The following CLCN6 variants were observed in gnomAD, a reference collection of about 807,000 sequenced individuals.
CLCN6 encodes H(+)/Cl(-) exchange transporter 6.
CLCN6 carries 70 observed loss-of-function variants against 109.8 expected under a neutral mutation model. The ratio of observed to expected loss-of-function variants is 0.64; its 90% CI spans 0.53 to 0.78. The LOEUF (loss-of-function observed/expected upper bound fraction) is 0.78, where lower values mean the gene tolerates loss of function less well. CLCN6 is among the 30% of genes least tolerant of loss of function. The probability of loss-of-function intolerance (pLI) is 0.00; values close to 1 mark genes in which losing one functional copy is unlikely to be tolerated. For missense variants in CLCN6, 984 were observed against 1,142.3 expected (o/e 0.86, Z 2.00); for synonymous variants, 444 against 447.8 (o/e 0.99, Z 0.11).
At position 11,833,685 on chromosome 1, in the gene CLCN6, C is replaced by T. The variant is rs372963046; in HGVS notation, c.1372+47C>T. 2.5e-5 allele frequency: 41 copies of T among 1,609,478 alleles called. No individual in the cohort carries two copies. In the African/African-American group the frequency reaches 2.8e-4, roughly 11 times the overall value. On this transcript the variant is annotated intron_variant, in intron 14 of 22. Transcript: ENST00000346436. ...CAATCGTGGGTGATTGGTGTCATCTCGGACACAGCCAGGCTTGCCCTTCAT... is the reference window on the plus strand; with the variant it reads ...CAATCGTGGGTGATTGGTGTCATCTTGGACACAGCCAGGCTTGCCCTTCAT...
intron 3 of CLCN6, 41 bp from the exon 4 acceptor site, chr1:11,816,574 A>G (rs770061841): frequency 1.3e-6 from 2 of 1,586,076 alleles, no homozygotes; most frequent in Non-Finnish European, 1.7e-6. Flanking sequence ...CTCTGCCACC[A>G]TAACCCTGTA....
chr1:11,822,752 G>C lies in CLCN6; in HGVS notation c.404G>C (p.Gly135Ala). The C allele has an allele frequency of 4.3e-6, 7 of 1,614,092 alleles. No individual in the cohort carries two copies. The highest frequency in any genetic ancestry group is 5.9e-6 in the Non-Finnish European group (7 of 1,179,978). The change falls in exon 6 of 23, where the codon GGT becomes GCT. Residue 135 changes from glycine (G) to alanine (A), a missense_variant. By Grantham distance (60) the Gly-to-Ala change is moderately conservative. Transcript: ENST00000346436. ...CLALSLLELL[G>A]FNLTFVFLAS... ...GCTCTGTCTCTCCTTGAACTCCTGGGTTTTAACCTCACCTTTGTCTTCCTG... is the reference window on the plus strand; with the variant it reads ...GCTCTGTCTCTCCTTGAACTCCTGGCTTTTAACCTCACCTTTGTCTTCCTG...
chr1:11,811,055 AC>A (rs1467797274), intron 2 of CLCN6, among the ~76,000 whole-genome samples: 2 of 152,042 alleles, frequency 1.3e-5, no homozygotes, highest in Non-Finnish European at 2.9e-5. Context: ...AACAACAAAT[AC>A]GAAAAAATTA....
intron 8 of CLCN6, 143 bp from the exon 9 acceptor site, chr1:11,826,013 C>T: frequency 1.6e-6 from 1 of 614,234 alleles, no homozygotes. Context: ...AGGGGCCTCC[C>T]CTGATGCCGT....
intron 2 of CLCN6, among the ~76,000 whole-genome samples, chr1:11,812,926 C>T (rs900300680): frequency 6.6e-6 from 1 of 152,130 alleles, no homozygotes. Flanking sequence ...ACTCATCTTA[C>T]AGAGGAGACT....
intron 14 of CLCN6, 104 bp downstream of exon 14, chr1:11,833,742 C>A: frequency 4.5e-6 from 7 of 1,568,884 alleles, no homozygotes; most frequent in Non-Finnish European, 6.0e-6. Context: ...TTTGTAACGC[C>A]CACCCAGACA....
At chr1:11,821,080 ACAAC>A (rs1557783090) in intron 5 of CLCN6, among the ~76,000 whole-genome samples, 84 of 123,334 alleles carry the variant, frequency 6.8e-4, no homozygotes, top group Non-Finnish European at 9.6e-4. Context: ...GTCTCAAAAA[ACAAC>A]AACAAAAAAA....
chr1:11,812,273 A>G (rs183970501), intron 2 of CLCN6, among the ~76,000 whole-genome samples: 14 of 152,344 alleles, frequency 9.2e-5, no homozygotes, highest in African/African-American at 3.1e-4. Flanking sequence ...AAAGGATATC[A>G]TAAAGGATAC....
intron 13 of CLCN6, among the ~76,000 whole-genome samples, chr1:11,831,094 A>T (rs918982431): frequency 6.6e-6 from 1 of 151,814 alleles, no homozygotes; most frequent in East Asian, 1.9e-4. Context: ...CGGCCTCCCA[A>T]ATTGCTAGGA....
intron 5 of CLCN6, chr1:11,820,627 C>G (rs1049653298): frequency 5.5e-6 from 2 of 363,502 alleles, no homozygotes; most frequent in Non-Finnish European, 1.0e-5. Context: ...ATTAGCTGGG[C>G]GTGGCGGTGT....
chr1:11,838,125 C>T (rs143648177), intron 20 of CLCN6, among the ~76,000 whole-genome samples: 1 of 152,316 alleles, frequency 6.6e-6, no homozygotes, highest in East Asian at 1.9e-4. Flanking sequence ...GCAGACAGAT[C>T]AGGGGACTTG....
intron 13 of CLCN6, among the ~76,000 whole-genome samples, chr1:11,829,654 C>T (rs1644855625): frequency 6.9e-6 from 1 of 144,274 alleles, no homozygotes; most frequent in African/African-American, 2.7e-5. Flanking sequence ...AGAGGGGAAC[C>T]TGGGAACAAC....
intron 1 of CLCN6, 48 bp from the exon 2 acceptor site, chr1:11,807,083 C>A: frequency 1.3e-6 from 2 of 1,514,506 alleles, no homozygotes; most frequent in Non-Finnish European, 1.8e-6. Flanking sequence ...TGCCTCCTTC[C>A]ACTCCTAACC....
rs369309639 is a variant in CLCN6, at chr1:11,838,690, T to G, written c.2529+30T>G. Reference sequence around the variant, plus strand: ...GCGAGGCCCCGGCCCTGCCCCCACCTTTGAGAGAGGATCCCCTAGCCAGGT... The same window carrying G: ...GCGAGGCCCCGGCCCTGCCCCCACCGTTGAGAGAGGATCCCCTAGCCAGGT... On this transcript the variant is annotated intron_variant, in intron 22 of 22. Coordinates refer to ENST00000346436, the MANE Select transcript of CLCN6 (RefSeq NM_001286.5). 6.6e-5 allele frequency: 107 copies of G among 1,614,176 alleles called. No homozygotes were observed. The African/African-American group carries it at 1.2e-3, about 19-fold the overall frequency.
At chr1:11,840,073 G>A (rs558419056) in intron 22 of CLCN6, 70 bp from the exon 23 acceptor site, 53 of 1,265,998 alleles carry the variant, frequency 4.2e-5, no homozygotes, top group Non-Finnish European at 4.0e-5. Flanking sequence ...AACAGGGCCG[G>A]CTCCTGTCAC....
At chr1:11,811,624 C>A (rs573710494) in intron 2 of CLCN6, among the ~76,000 whole-genome samples, 1 of 152,146 alleles carries the variant, frequency 6.6e-6, no homozygotes. Flanking sequence ...TCGGGTGATC[C>A]GCCCGCCTTG....
chr1:11,834,375 C>T lies in CLCN6; in HGVS notation c.1666C>T (p.Pro556Ser), dbSNP rs1644919094. The change falls in exon 16 of 23, where the codon CCC becomes TCC. Residue 556 changes from proline (P) to serine (S), a missense_variant. Transcript: ENST00000346436. This position sits in a 1 kb window ranked among gnomAD's most constrained non-coding sequence, Gnocchi z 4.5. ...CACCAATGAGATCACCTACGGGCTC[C>T]CCATCATGGTCACACTGATGGTGAG... The part of the protein sequence containing the change: ...ESTNEITYGL[P>S]IMVTLMVAKW... 1 of 1,613,928 alleles carries T rather than the reference C, an allele frequency of 6.2e-7. No individual in the cohort carries two copies. Among genetic ancestry groups the T allele is most frequent in the African/African-American group, 1.3e-5 (1 of 74,894 alleles).
intron 10 of CLCN6, among the ~76,000 whole-genome samples, chr1:11,827,748 A>G (rs1644831720): frequency 6.6e-6 from 1 of 152,172 alleles, no homozygotes; most frequent in Non-Finnish European, 1.5e-5. Context: ...GAAAATGTGA[A>G]ACTGGCTGTT....
At chr1:11,833,269 A>G (rs774907303) in intron 13 of CLCN6, among the ~76,000 whole-genome samples, 5 of 152,194 alleles carry the variant, frequency 3.3e-5, no homozygotes, top group Non-Finnish European at 7.3e-5. Context: ...AATCACGGCC[A>G]TAGTGACATT....
Sources: gnomAD v4.1 joint callset for allele counts (sites outside exome capture counted in the v4.1 genomes callset) on GRCh38, gnomAD v4.1.1 for gene constraint, Gnocchi (gnomAD v3.1) non-coding constraint, MANE v1.5 for transcripts, NCBI Gene and HGNC (gene_info 2026-07-23, HGNC 2026-07-21) for gene names.